Variants in ABCA13 observed in about 807,000 individuals in gnomAD.
The protein encoded by ABCA13 is ATP binding cassette subfamily A member 13, also known as ATP-binding cassette sub-family A member 13.
In ABCA13, 476 loss-of-function variants were observed where a neutral mutation model predicts 478.7. That is an observed-to-expected ratio of 0.99 (90% CI 0.92 to 1.07). The LOEUF is 1.07. ABCA13 is among the 50% of genes least tolerant of loss of function. The pLI is 0.00. For synonymous variants in ABCA13, 2,252 were observed against 2,158.9 expected (o/e 1.04, Z -1.20); for missense variants, 6,060 against 5,910.6 (o/e 1.03, Z -0.83).
chr7:48,521,607 G>T (rs1832549497), intron 53 of ABCA13, among the ~76,000 whole-genome samples: 1 of 151,976 alleles, frequency 6.6e-6, no homozygotes, highest in African/African-American at 2.4e-5. Context: ...TACTAGTTTA[G>T]TCTATTTTAT....
rs192213837 is a variant in ABCA13 at position 48,374,535 on chromosome 7, G to A, written c.11203+119G>A. 219 of 934,308 alleles carry A rather than the reference G, an allele frequency of 2.3e-4. No individual in the cohort carries two copies. In the African/African-American group the frequency reaches 3.2e-3, roughly 14 times the overall value. The allele number at this position is 934,308 out of a possible 1,614,324, so 57.9% of individuals were successfully genotyped here. ...TTATCAAGTAGAGCATTCAGAATGA[G>A]GTTTGGATATTTGCTTTCACTGTTG... On this transcript the variant is annotated intron_variant, in intron 34 of 61. Transcript: ENST00000435803.
intron 43 of ABCA13, among the ~76,000 whole-genome samples, chr7:48,463,994 A>G (rs775639564): frequency 6.6e-6 from 1 of 152,192 alleles, no homozygotes; most frequent in Non-Finnish European, 1.5e-5. Flanking sequence ...AAGGCCCATT[A>G]GGAGTGTGTA....
intron 42 of ABCA13, among the ~76,000 whole-genome samples, chr7:48,450,790 CT>C (rs1824906965): frequency 6.6e-6 from 1 of 152,010 alleles, no homozygotes; most frequent in Non-Finnish European, 1.5e-5. Flanking sequence ...TTTCAAAAGA[CT>C]GTATAATTTC....
rs1223384711 is a variant in ABCA13, at chr7:48,276,119, T to TGA, written c.6457_6458dup (p.Ser2153ArgfsTer7). 1.3e-6 allele frequency: 2 copies of TGA among 1,598,204 alleles called. No individual in the cohort carries two copies. The highest frequency in any genetic ancestry group is 8.5e-7 in the Non-Finnish European group (1 of 1,171,544). ...AAACATTATTCATTCCTGTGACCAATGAGAGTTCAACTGAAGATATAGCTT... is the reference window on the plus strand; with the variant it reads ...AAACATTATTCATTCCTGTGACCAATGAGAGAGTTCAACTGAAGATATAGCTT... On this transcript the variant is annotated frameshift_variant, in exon 17 of 62. Coordinates refer to ENST00000435803, the MANE Select transcript of ABCA13 (RefSeq NM_152701.5). LOFTEE classifies it high-confidence loss of function.
At chr7:48,559,552 T>C (rs2131254217) in intron 55 of ABCA13, among the ~76,000 whole-genome samples, 1 of 152,156 alleles carries the variant, frequency 6.6e-6, no homozygotes, top group Middle Eastern at 3.4e-3. Context: ...GTACATAAGA[T>C]TCAAGACAAA....
intron 31 of ABCA13, among the ~76,000 whole-genome samples, chr7:48,363,940 G>A (rs2129010154): frequency 6.6e-6 from 1 of 152,240 alleles, no homozygotes; most frequent in South Asian, 2.1e-4. Flanking sequence ...TGTTCAATGA[G>A]ACCAACTTTT....
intron 31 of ABCA13, among the ~76,000 whole-genome samples, chr7:48,354,582 G>T (rs1449618946): frequency 6.6e-6 from 1 of 151,968 alleles, no homozygotes; most frequent in East Asian, 1.9e-4. Context: ...GGAATGAGTG[G>T]AATACCCAGG....
At chr7:48,353,030 A>G (rs1487818521) in intron 31 of ABCA13, among the ~76,000 whole-genome samples, 2 of 151,928 alleles carry the variant, frequency 1.3e-5, no homozygotes, top group African/African-American at 4.9e-5. Context: ...GAGCAGCTGG[A>G]CAAGAGGACT....
intron 31 of ABCA13, among the ~76,000 whole-genome samples, chr7:48,365,841 G>A (rs566997626): frequency 6.6e-6 from 1 of 152,290 alleles, no homozygotes; most frequent in South Asian, 2.1e-4. Context: ...TTGATGTGAT[G>A]TGAGAAGTTA....
At chr7:48,352,123 T>A in intron 30 of ABCA13, 58 bp from the exon 31 acceptor site, 1 of 1,508,550 alleles carries the variant, frequency 6.6e-7, no homozygotes, top group Non-Finnish European at 9.0e-7. Flanking sequence ...AGTGTAGGCG[T>A]GGTTTGAGCC....
At chr7:48,190,715 T>C (rs141917558) in intron 1 of ABCA13, among the ~76,000 whole-genome samples, 5,848 of 152,320 alleles carry the variant, frequency 0.038, 202 homozygotes, top group Admixed American at 0.11. Context: ...TGGAATATTA[T>C]GTAGCCTTTA....
chr7:48,207,475 G>T (rs6960463), intron 3 of ABCA13, among the ~76,000 whole-genome samples: 30,766 of 151,958 alleles, frequency 0.2, 3,366 homozygotes, highest in Middle Eastern at 0.26. Flanking sequence ...TTGCTTGTCT[G>T]TTTAATAAAA....
At chr7:48,205,037 C>G (rs941285250) in intron 3 of ABCA13, among the ~76,000 whole-genome samples, 1 of 152,226 alleles carries the variant, frequency 6.6e-6, no homozygotes, top group Non-Finnish European at 1.5e-5. Context: ...TCCTGGGGTT[C>G]TCTCCTTGCC....
intron 2 of ABCA13, among the ~76,000 whole-genome samples, chr7:48,195,088 C>G (rs966314220): frequency 6.6e-6 from 1 of 152,180 alleles, no homozygotes; most frequent in African/African-American, 2.4e-5. Flanking sequence ...GCAACTTTGT[C>G]AGAACAAGAG....
chr7:48,423,956 A>G (rs980475042), intron 41 of ABCA13, among the ~76,000 whole-genome samples: 5 of 152,230 alleles, frequency 3.3e-5, no homozygotes, highest in Admixed American at 6.5e-5. Flanking sequence ...CTTTTGTATG[A>G]AAGTGGGAAG....
intron 3 of ABCA13, among the ~76,000 whole-genome samples, chr7:48,199,489 A>C (rs1798371913): frequency 2.0e-5 from 3 of 152,152 alleles, no homozygotes; most frequent in Admixed American, 2.0e-4. Flanking sequence ...AATCCTATTC[A>C]CGAAGGCTCT....
Position 48,372,339 on chromosome 7 carries a change from A to C in ABCA13, c.10975A>C (p.Met3659Leu), listed in dbSNP as rs1250666096. ...TTTCCTCTTTCTCTTGGATTTTGGG[A>C]TGTCAGTCGTCATGCTGAGCTACCT... ...IVFLFLLDFG[M>L]SVVMLSYLLS... The change falls in exon 33 of 62, where the codon ATG becomes CTG. Residue 3659 changes from methionine (M) to leucine (L), a missense_variant. Met to Leu is a conservative substitution (Grantham distance 15). Around this residue, in one of 3 missense-constraint regions of ABCA13, gnomAD observed 4,423 missense variants for 4,309.1 expected, o/e 1.03. Transcript: ENST00000435803. 2.5e-6 allele frequency: 4 copies of C among 1,613,680 alleles called. No individual in the cohort carries two copies. In the African/African-American group the frequency reaches 5.3e-5, roughly 22 times the overall value.
intron 41 of ABCA13, among the ~76,000 whole-genome samples, chr7:48,424,735 G>C (rs1821182436): frequency 6.6e-6 from 1 of 152,190 alleles, no homozygotes. Context: ...TACTTGCCAA[G>C]GGGAGTTTTA....
intron 55 of ABCA13, among the ~76,000 whole-genome samples, chr7:48,535,577 G>GAT (rs1833513888): frequency 1.3e-5 from 2 of 152,290 alleles, no homozygotes; most frequent in African/African-American, 4.8e-5. Context: ...GTTCCCAAGA[G>GAT]ATTATGTGCT....
Sources: gnomAD v4.1 joint callset for allele counts (sites outside exome capture counted in the v4.1 genomes callset) on GRCh38, gnomAD v4.1.1 for gene constraint, gnomAD v4.1.1 regional missense constraint, MANE v1.5 for transcripts, NCBI Gene and HGNC (gene_info 2026-07-23, HGNC 2026-07-21) for gene names.